The following KALRN variants were observed in gnomAD, a reference collection of about 807,000 sequenced individuals.
The protein encoded by KALRN is kalirin.
In KALRN, 70 loss-of-function variants were observed where a neutral mutation model predicts 353.7. The observed-to-expected ratio is 0.20, with a 90% confidence interval of 0.16 to 0.24. The LOEUF is 0.24. Ranked by LOEUF, KALRN falls within the 10% of genes least tolerant of loss-of-function variation. The pLI, the probability that KALRN is intolerant of heterozygous loss-of-function variation, is 1.00. For missense variants in KALRN, 2,791 were observed against 3,756.7 expected, an observed-to-expected ratio of 0.74 and a Z score of 6.72; for synonymous variants, 1,391 against 1,434.8, an observed-to-expected ratio of 0.97 and a Z score of 0.69.
At chr3:124,443,351 G>A (rs1662262248) in intron 19 of KALRN, among the ~76,000 whole-genome samples, 1 of 152,194 alleles carries the variant, frequency 6.6e-6, no homozygotes, top group Non-Finnish European at 1.5e-5. Flanking sequence ...GTGAGGAGTG[G>A]GGTATGGGCT....
intron 1 of KALRN, among the ~76,000 whole-genome samples, chr3:124,109,746 CAT>C (rs1300658971): frequency 7.1e-5 from 8 of 113,106 alleles, no homozygotes; most frequent in African/African-American, 1.1e-4. Context: ...ATATATATGA[CAT>C]ATATATCATA....
chr3:124,286,373 T>A (rs1025845447), intron 5 of KALRN, among the ~76,000 whole-genome samples: 2 of 151,528 alleles, frequency 1.3e-5, no homozygotes, highest in African/African-American at 4.9e-5. Context: ...GCCTCCCGAG[T>A]AGCTAGTAGC....
At chr3:124,700,903 C>T (rs1276008922) in intron 56 of KALRN, among the ~76,000 whole-genome samples, 1 of 152,204 alleles carries the variant, frequency 6.6e-6, no homozygotes, top group East Asian at 1.9e-4. Flanking sequence ...GGTTTTCTCC[C>T]AGTGACTTTG....
At chr3:124,234,736 G>A in intron 2 of KALRN, 93 bp from the exon 3 acceptor site, 2 of 956,600 alleles carry the variant, frequency 2.1e-6, no homozygotes, top group Non-Finnish European at 3.2e-6. Context: ...ATTTCTGTCT[G>A]ATCACCCAGC....
At chr3:124,450,845 G>A (rs912269617) in intron 21 of KALRN, among the ~76,000 whole-genome samples, 12 of 152,140 alleles carry the variant, frequency 7.9e-5, no homozygotes, top group Non-Finnish European at 1.5e-4. Context: ...TTACAGACAT[G>A]AGCCACCGCG....
intron 33 of KALRN, among the ~76,000 whole-genome samples, chr3:124,553,872 G>A (rs946469805): frequency 1.3e-5 from 2 of 152,244 alleles, no homozygotes; most frequent in Admixed American, 6.5e-5. Context: ...CCTCCCAGCC[G>A]CATCTCTATT....
Position 124,594,321 on chromosome 3 carries a change from G to T in KALRN, c.5182+31232G>T, listed in dbSNP as rs1017244287. Reference sequence around the variant, plus strand: ...ACTCACTGCAACCTCCGTTTCCTGGGTTCAAGCTATTCTGCTGCCTCAGCC... The same window carrying T: ...ACTCACTGCAACCTCCGTTTCCTGGTTTCAAGCTATTCTGCTGCCTCAGCC... On this transcript the variant is annotated intron_variant, in intron 34 of 59. Transcript: ENST00000682506. 5.3e-5 allele frequency among the ~76,000 whole-genome samples: 8 copies of T among 152,306 alleles called. No individual in the cohort carries two copies. The East Asian group carries it at 1.5e-3, about 29-fold the overall frequency.
chr3:124,468,314 A>G (rs2060540901), intron 25 of KALRN, among the ~76,000 whole-genome samples: 1 of 152,146 alleles, frequency 6.6e-6, no homozygotes, highest in South Asian at 2.1e-4. Context: ...TGCCACCCAT[A>G]AATTGATTTT....
intron 1 of KALRN, chr3:124,152,585 CTTTCTTTCTTTT>C: frequency 3.4e-6 from 2 of 579,990 alleles, no homozygotes; most frequent in African/African-American, 2.5e-5. Flanking sequence ...TTCTTTCTTT[CTTTCTTTCTTTT>C]TTTTTTTTTT....
Position 124,398,707 on chromosome 3 carries a change from G to A in KALRN, c.2182G>A (p.Val728Met), listed in dbSNP as rs1166624148. ...GEPSEARDSA[V>M]SNNKTPHSSS... is the part of the protein sequence containing the mutation. ...CCCACTCTGCCACAGGGACTCGGCTGTGTCCAACAACAAAACACCCCACAG... is the reference window on the plus strand; with the variant it reads ...CCCACTCTGCCACAGGGACTCGGCTATGTCCAACAACAAAACACCCCACAG... Residue 728 changes from valine to methionine, a missense_variant, in exon 13 of 60, where the codon GTG becomes ATG. Physicochemically the swap from Val to Met is conservative, Grantham distance 21. Around this residue, in one of 11 missense-constraint regions of KALRN, gnomAD observed 452 missense variants for 575.8 expected, o/e 0.78. Coordinates refer to ENST00000682506, the MANE Select transcript of KALRN (RefSeq NM_001388419.1). The A allele has an allele frequency of 9.3e-6, 15 of 1,613,972 alleles. No homozygotes were observed. Among genetic ancestry groups the A allele is most frequent in the East Asian group, 2.2e-5 (1 of 44,882 alleles).
intron 51 of KALRN, among the ~76,000 whole-genome samples, chr3:124,685,431 G>A (rs2061515329): frequency 6.6e-6 from 1 of 152,166 alleles, no homozygotes. Flanking sequence ...CCTCCTGGGG[G>A]AAACATGTTC....
At chr3:124,048,651 T>G (rs888002950) in intron 1 of KALRN, among the ~76,000 whole-genome samples, 3 of 151,974 alleles carry the variant, frequency 2.0e-5, no homozygotes, top group Non-Finnish European at 2.9e-5. Flanking sequence ...CCAGCTAATT[T>G]TTTTTGTATT....
At chr3:124,133,369 A>G (rs890469829) in intron 1 of KALRN, among the ~76,000 whole-genome samples, 2 of 152,224 alleles carry the variant, frequency 1.3e-5, no homozygotes, top group Non-Finnish European at 2.9e-5. Flanking sequence ...AGGTTTGTCT[A>G]TTAAGTAATG....
chr3:124,299,210 C>T (rs2077074996), intron 6 of KALRN, among the ~76,000 whole-genome samples: 2 of 152,196 alleles, frequency 1.3e-5, no homozygotes, highest in Non-Finnish European at 2.9e-5. Flanking sequence ...ACTTCACTGA[C>T]TTAGCCAACG....
intron 33 of KALRN, among the ~76,000 whole-genome samples, chr3:124,517,655 T>A (rs950086866): frequency 6.6e-6 from 1 of 152,178 alleles, no homozygotes; most frequent in Non-Finnish European, 1.5e-5. Flanking sequence ...AAGCTGGGTC[T>A]CCAGCTTGGC....
intron 33 of KALRN, among the ~76,000 whole-genome samples, chr3:124,541,101 C>T (rs2068981082): frequency 1.3e-5 from 2 of 151,970 alleles, no homozygotes; most frequent in South Asian, 4.2e-4. Context: ...GTTTTTGTTA[C>T]CTAACTGTCA....
chr3:124,276,346 C>A (rs1300183498), intron 5 of KALRN, among the ~76,000 whole-genome samples: 1 of 152,136 alleles, frequency 6.6e-6, no homozygotes, highest in African/African-American at 2.4e-5. Flanking sequence ...CCAGGATGCC[C>A]CGTCACTGGG....
At chr3:124,192,255 G>A (rs993764006) in intron 1 of KALRN, among the ~76,000 whole-genome samples, 3 of 152,196 alleles carry the variant, frequency 2.0e-5, no homozygotes, top group Admixed American at 1.3e-4. Context: ...ATTATGTTAA[G>A]TGAAATAAAC....
chr3:124,459,449 A>G (rs1449392751), intron 23 of KALRN, among the ~76,000 whole-genome samples: 1 of 152,228 alleles, frequency 6.6e-6, no homozygotes, highest in African/African-American at 2.4e-5. Flanking sequence ...CCAACTTATC[A>G]TTAGATTCCT....
Sources: gnomAD v4.1 joint callset for allele counts (sites outside exome capture counted in the v4.1 genomes callset) on GRCh38, gnomAD v4.1.1 for gene constraint, gnomAD v4.1.1 regional missense constraint, MANE v1.5 for transcripts, NCBI Gene and HGNC (gene_info 2026-07-23, HGNC 2026-07-21) for gene names.